Variants in PYGM observed in about 807,000 individuals in gnomAD.
PYGM encodes the protein glycogen phosphorylase, muscle associated.
PYGM carries 81 observed loss-of-function variants against 99.3 expected under a neutral mutation model. That is an observed-to-expected ratio of 0.82 (90% confidence interval 0.68 to 0.98). The LOEUF (loss-of-function observed/expected upper bound fraction) is 0.98. Among genes scored for constraint, PYGM ranks in the 50% least tolerant of loss-of-function variants. PYGM has a pLI of 0.00. For synonymous variants in PYGM, 436 were observed against 451.5 expected (o/e 0.97, Z 0.44); for missense variants, 1,030 against 1,158.1 (o/e 0.89, Z 1.61).
rs71581787 is a variant in PYGM, at chr11:64,753,934, G to C, written c.1184C>G (p.Thr395Arg). The C allele has an allele frequency of 8.8e-6, 14 of 1,598,648 alleles. No individual in the cohort carries two copies. In the East Asian group the frequency reaches 1.4e-4, roughly 15 times the overall value. The change falls in exon 10 of 20, where the codon ACG becomes AGG. Residue 395 changes from threonine (T) to arginine (R), a missense_variant. Coordinates refer to ENST00000164139, the MANE Select transcript of PYGM (RefSeq NM_005609.4). ...GATCTGGAGGTGCCGCGGCAGCAGC[G>C]TCTCCAAGAGGTGCACCGGCCAGCG... ...LERWPVHLLE[T>R]LLPRHLQIIY... is the part of the protein sequence containing the mutation.
intron 16 of PYGM, among the ~76,000 whole-genome samples, chr11:64,750,864 C>T (rs1224140052): frequency 6.6e-6 from 1 of 152,174 alleles, no homozygotes; most frequent in Non-Finnish European, 1.5e-5. Flanking sequence ...CATTAGAGGG[C>T]ATCCTCATGG....
At chr11:64,757,458 C>T (rs562795893) in intron 5 of PYGM, among the ~76,000 whole-genome samples, 8 of 152,144 alleles carry the variant, frequency 5.3e-5, no homozygotes, top group Admixed American at 3.3e-4. Flanking sequence ...CTGCTGCTGT[C>T]GAGATGTTCA....
chr11:64,751,265 A>G (rs1331335864), intron 16 of PYGM, 60 bp downstream of exon 16: 1 of 1,601,996 alleles, frequency 6.2e-7, no homozygotes, highest in Non-Finnish European at 8.5e-7. Flanking sequence ...GACGACTGAT[A>G]CCTCTTCCTG....
upstream of PYGM, among the ~76,000 whole-genome samples, chr11:64,760,666 A>C (rs1047815185): frequency 5.3e-5 from 8 of 152,176 alleles, no homozygotes; most frequent in African/African-American, 1.7e-4. Context: ...CGGTGGGAGA[A>C]ACTGAGGCAT....
chr11:64,751,900 CA>C (rs763078628), intron 14 of PYGM, 23 bp downstream of exon 14: 2 of 1,613,926 alleles, frequency 1.2e-6, no homozygotes, highest in Admixed American at 1.7e-5. Flanking sequence ...CACTGAGAGA[CA>C]GGGTAGAGTG....
chr11:64,749,793 A>ATT lies in PYGM; in HGVS notation c.2177+581_2177+582dup, dbSNP rs71049658. ...TGCCCATGGCTTTCAGGGAGCAAGG[A>ATT]TTTTTTTTTTTTTTTTTGAGGCAGA... is the stretch of plus-strand genomic sequence containing the variant. On this transcript the variant is annotated intron_variant, in intron 17 of 19. Transcript: ENST00000164139. Among the ~76,000 whole-genome samples, 1,191 of 136,296 alleles carry ATT rather than the reference A, an allele frequency of 8.7e-3. 27 individuals carry two copies. Among genetic ancestry groups the ATT allele is most frequent in the East Asian group, 0.03 (135 of 4,494 alleles). 89.4% of individuals were successfully genotyped at this position (136,296 alleles called of 152,430 possible). A position where few individuals can be genotyped will look rare whatever the true frequency, so the allele number is the denominator to read the frequency against.
At chr11:64,751,270 T>G in intron 16 of PYGM, 55 bp downstream of exon 16, 1 of 1,610,824 alleles carries the variant, frequency 6.2e-7, no homozygotes, top group Non-Finnish European at 8.5e-7. Flanking sequence ...CTGATACCTC[T>G]TCCTGAGACT....
intron 5 of PYGM, among the ~76,000 whole-genome samples, chr11:64,756,578 G>A (rs1262835525): frequency 6.6e-6 from 1 of 152,174 alleles, no homozygotes; most frequent in Non-Finnish European, 1.5e-5. Context: ...AGCCTCCTGA[G>A]TGGCTGGGAT....
In PYGM at chr11:64,755,397, C is replaced by T. The variant is rs747633051; in HGVS notation, c.773-42G>A. The T allele has an allele frequency of 5.6e-5, 91 of 1,612,090 alleles. No homozygotes were observed. The highest frequency in any genetic ancestry group is 1.6e-4 in the Middle Eastern group (1 of 6,080). ...GGGACAGGGTAAGGCCTGCGCTGGG[C>T]GTGGCCGGCGGGCAAGCTGGGGTTG... On this transcript the variant is annotated intron_variant, in intron 6 of 19. Coordinates refer to ENST00000164139, the MANE Select transcript of PYGM (RefSeq NM_005609.4). This position sits in a 1 kb window ranked among gnomAD's most constrained non-coding sequence, Gnocchi z 4.1.
chr11:64,754,615 G>C lies in PYGM; in HGVS notation c.999+78C>G. The C allele has an allele frequency of 6.4e-7, 1 of 1,556,170 alleles. No individual in the cohort carries two copies. The highest frequency in any genetic ancestry group is 8.8e-7 in the Non-Finnish European group (1 of 1,141,282). On this transcript the variant is annotated intron_variant, in intron 8 of 19. Transcript: ENST00000164139. This position sits in a 1 kb window ranked among gnomAD's most constrained non-coding sequence, Gnocchi z 5.5. Reference sequence around the variant, plus strand: ...CTCCACTCCCTTATCTATTACATGGGGCAGGCAGGCCGAGGCTGGAGGGAG... The same window carrying C: ...CTCCACTCCCTTATCTATTACATGGCGCAGGCAGGCCGAGGCTGGAGGGAG...
At chr11:64,747,782 T>C in intron 17 of PYGM, 1 of 296,056 alleles carries the variant, frequency 3.4e-6, no homozygotes, top group South Asian at 3.2e-5. Flanking sequence ...CTCACGCCTG[T>C]AATCCCAGCA....
chr11:64,754,089 G>A lies in PYGM; in HGVS notation c.1093-64C>T, dbSNP rs1348533403. 16 of 1,601,706 alleles carry A rather than the reference G, an allele frequency of 1.0e-5. No individual in the cohort carries two copies. In the East Asian group the frequency reaches 1.6e-4, roughly 16 times the overall value. On this transcript the variant is annotated intron_variant, in intron 9 of 19. Transcript: ENST00000164139. This position sits in a 1 kb window ranked among gnomAD's most constrained non-coding sequence, Gnocchi z 5.5. ...CCCAGTGGGTCTCCTCACACACTAC[G>A]CATCCCAGTGGGCCCCCCCACTGCA...
chr11:64,758,120 G>A (rs1470390553), intron 4 of PYGM, 126 bp downstream of exon 4: 3 of 1,365,272 alleles, frequency 2.2e-6, no homozygotes, highest in South Asian at 1.2e-5. Flanking sequence ...GTCGGGGGGT[G>A]GGGAGCAGCA....
chr11:64,758,884 C>T (rs2058414157), intron 1 of PYGM, among the ~76,000 whole-genome samples, 180 bp from the exon 2 acceptor site: 1 of 152,190 alleles, frequency 6.6e-6, no homozygotes, highest in South Asian at 2.1e-4. Context: ...CTGGTCCCAG[C>T]ATTCCTCTGA....
intron 14 of PYGM, 101 bp from the exon 15 acceptor site, chr11:64,751,756 T>A: frequency 6.5e-7 from 1 of 1,531,218 alleles, no homozygotes; most frequent in East Asian, 2.3e-5. Context: ...ACTCGAACAA[T>A]CACTTGCTAT....
At chr11:64,758,380 G>T in intron 3 of PYGM, 31 bp from the exon 4 acceptor site, 1 of 1,612,652 alleles carries the variant, frequency 6.2e-7, no homozygotes, top group Non-Finnish European at 8.5e-7. Context: ...GGCTGTCAGG[G>T]ACCCAGCAAG....
In PYGM at chr11:64,753,581, G is replaced by T; in HGVS notation, c.1341C>A (p.Ile447=). Residue 447 remains isoleucine, a synonymous_variant, in exon 11 of 20, where the codon ATC becomes ATA. Coordinates refer to ENST00000164139, the MANE Select transcript of PYGM (RefSeq NM_005609.4). ...VKRINMAHLC[I]AGSHAVNGVA... ...CGCCGTTGACGGCGTGCGACCCCGC[G>T]ATGCACAGGTGTGCCATGTTGATGC... is the stretch of plus-strand genomic sequence containing the variant. 6.2e-7 allele frequency: 1 copy of T among 1,606,512 alleles called. No individual in the cohort carries two copies. Among genetic ancestry groups the T allele is most frequent in the East Asian group, 2.2e-5 (1 of 44,708 alleles).
chr11:64,759,741 TA>T lies in PYGM; in HGVS notation c.157del (p.Tyr53ThrfsTer36), dbSNP rs2135842587. ...DRNVATPRDY[Y>X]FALAHTVRDH... ...GCGCACGGTATGGGCCAGAGCAAAG[TA>T]GTAGTCTCGTGGGGTGGCCACATTG... On this transcript the variant is annotated frameshift_variant, in exon 1 of 20. Coordinates refer to ENST00000164139, the MANE Select transcript of PYGM (RefSeq NM_005609.4). LOFTEE classifies it high-confidence loss of function. 6.2e-7 allele frequency: 1 copy of T among 1,614,136 alleles called. No homozygotes were observed. Among genetic ancestry groups the T allele is most frequent in the Non-Finnish European group, 8.5e-7 (1 of 1,180,022 alleles).
intron 4 of PYGM, 120 bp from the exon 5 acceptor site, chr11:64,758,030 G>T: frequency 6.7e-7 from 1 of 1,484,288 alleles, no homozygotes; most frequent in Non-Finnish European, 9.2e-7. Flanking sequence ...TAAGTCAGGA[G>T]CTCTGAGGTG....
Sources: allele counts gnomAD v4.1 joint callset (sites outside exome capture counted in the v4.1 genomes callset), GRCh38; gene constraint gnomAD v4.1.1; non-coding constraint Gnocchi (gnomAD v3.1); transcripts MANE v1.5; gene names NCBI Gene and HGNC (gene_info 2026-07-23, HGNC 2026-07-21).